Variants in EIF2AK4 observed in about 807,000 individuals in gnomAD.
The protein encoded by EIF2AK4 is eukaryotic translation initiation factor 2 alpha kinase 4.
A neutral mutation model predicts 211.1 loss-of-function variants in EIF2AK4; 139 were observed. The observed-to-expected ratio is 0.66, with a 90% CI of 0.57 to 0.76. The LOEUF is 0.76. Ranked by LOEUF, EIF2AK4 falls within the 30% of genes least tolerant of loss-of-function variation. The pLI, the probability that EIF2AK4 is intolerant of heterozygous loss-of-function variation, is 0.00. For missense variants in EIF2AK4, 1,664 were observed against 2,043.8 expected (o/e 0.81, Z 3.58); for synonymous variants, 710 against 751.3 (o/e 0.94, Z 0.90).
intron 32 of EIF2AK4, 115 bp from the exon 33 acceptor site, chr15:40,025,856 TTGACCC>T (rs2035459479): frequency 3.3e-6 from 3 of 917,236 alleles, no homozygotes; most frequent in Non-Finnish European, 4.9e-6. Context: ...GGGAGCAAAA[TTGACCC>T]TGGTTAAGAA....
At position 40,022,589 on chromosome 15, in the gene EIF2AK4, A is replaced by G; in HGVS notation, c.4373A>G (p.Glu1458Gly). ...ITYVALVSDK[E>G]GSHVKVKSFE... ...TATGTGGCCCTTGTCTCGGATAAAGAAGGAAGCCATGTCAAGGTAAAGACG... is the reference window on the plus strand; with the variant it reads ...TATGTGGCCCTTGTCTCGGATAAAGGAGGAAGCCATGTCAAGGTAAAGACG... The change falls in exon 32 of 39, where the codon GAA becomes GGA. Residue 1458 changes from glutamate (E) to glycine (G), a missense_variant. Around this residue, in one of 7 missense-constraint regions of EIF2AK4, gnomAD observed 622 missense variants for 796.8 expected, o/e 0.78. Transcript: ENST00000263791. 6.2e-7 allele frequency: 1 copy of G among 1,614,190 alleles called. No individual in the cohort carries two copies. The highest frequency in any genetic ancestry group is 8.5e-7 in the Non-Finnish European group (1 of 1,180,010).
intron 15 of EIF2AK4, among the ~76,000 whole-genome samples, chr15:39,988,904 G>C (rs2034903965): frequency 6.6e-6 from 1 of 152,210 alleles, no homozygotes; most frequent in Non-Finnish European, 1.5e-5. Context: ...GGGAGGCTGA[G>C]GCAGGAGAAT....
At chr15:40,029,084 G>A (rs1025570283) in intron 33 of EIF2AK4, among the ~76,000 whole-genome samples, 6 of 152,102 alleles carry the variant, frequency 3.9e-5, no homozygotes, top group Non-Finnish European at 8.8e-5. Context: ...TGTATTATGA[G>A]GGGGGCGGAA....
chr15:39,945,509 G>T (rs2034215225), intron 3 of EIF2AK4, among the ~76,000 whole-genome samples: 1 of 152,196 alleles, frequency 6.6e-6, no homozygotes, highest in African/African-American at 2.4e-5. Flanking sequence ...GGTTCATGAG[G>T]TTTAAGGAAA....
In EIF2AK4 at chr15:39,976,701, A is replaced by C; in HGVS notation, c.2106A>C (p.Pro702=). 1 of 1,601,636 alleles carries C rather than the reference A, an allele frequency of 6.2e-7. No individual in the cohort carries two copies. The highest frequency in any genetic ancestry group is 8.5e-7 in the Non-Finnish European group (1 of 1,177,340). The change falls in exon 12 of 39, where the codon CCA becomes CCC. Residue 702 remains proline, a synonymous_variant. Transcript: ENST00000263791. The part of the protein sequence containing the change: ...GLDSVEAAAP[P]PILSSSVEWS... ...ACAGCGTAGAGGCCGCCGCGCCGCC[A>C]CCCATCCTCAGCAGCTCGGTGGAGT...
At position 39,976,836 on chromosome 15, in the gene EIF2AK4, G is replaced by T; in HGVS notation, c.2241G>T (p.Gln747His). The change falls in exon 12 of 39, where the codon CAG becomes CAT. Residue 747 changes from glutamine (Q) to histidine (H), a missense_variant. Around this residue, in one of 7 missense-constraint regions of EIF2AK4, gnomAD observed 206 missense variants for 201.9 expected, o/e 1.02. Transcript: ENST00000263791. ...ACGAGCACGGTGGCGTCTTCTCCCA[G>T]TCCTTCCTGTAAGCGCACGGCGCGG... Reference protein sequence around the residue: ...DEDEHGGVFSQSFLPASDSES... With the variant: ...DEDEHGGVFSHSFLPASDSES... 1 of 1,520,278 alleles carries T rather than the reference G, an allele frequency of 6.6e-7. No homozygotes were observed. Among genetic ancestry groups the T allele is most frequent in the Non-Finnish European group, 8.8e-7 (1 of 1,135,800 alleles). 94.2% of individuals were successfully genotyped at this position (1,520,278 alleles called of 1,614,324 possible).
chr15:40,020,721 C>CTT (rs57323541), intron 30 of EIF2AK4, 178 bp from the exon 31 acceptor site: 56 of 294,722 alleles, frequency 1.9e-4, no homozygotes, highest in Non-Finnish European at 2.4e-4. Context: ...TTGAGTGTGT[C>CTT]TTTTTTTTTT....
chr15:40,031,547 ATCTC>A (rs902927979), intron 35 of EIF2AK4, among the ~76,000 whole-genome samples: 13 of 151,840 alleles, frequency 8.6e-5, no homozygotes, highest in Admixed American at 2.0e-4. Flanking sequence ...TCATACTATC[ATCTC>A]TCTGTCTCTG....
chr15:39,935,291 G>T (rs1206591297), intron 1 of EIF2AK4, among the ~76,000 whole-genome samples: 1 of 151,620 alleles, frequency 6.6e-6, no homozygotes, highest in Non-Finnish European at 1.5e-5. Flanking sequence ...AACTATTTCT[G>T]AATATTATCA....
chr15:40,022,330 A>T (rs2035402498), intron 31 of EIF2AK4, 189 bp from the exon 32 acceptor site: 1 of 543,672 alleles, frequency 1.8e-6, no homozygotes, highest in African/African-American at 1.9e-5. Flanking sequence ...GAAGGGAGGC[A>T]AGAGAGGCCT....
chr15:39,992,043 A>C (rs1303509192), intron 16 of EIF2AK4, 132 bp from the exon 17 acceptor site: 42 of 858,112 alleles, frequency 4.9e-5, no homozygotes, highest in Non-Finnish European at 7.1e-5. Context: ...AAAAAAATTA[A>C]AACTCAAAGC....
chr15:39,985,362 C>G (rs1015897332), intron 13 of EIF2AK4, among the ~76,000 whole-genome samples: 1 of 152,094 alleles, frequency 6.6e-6, no homozygotes, highest in African/African-American at 2.4e-5. Flanking sequence ...TGATGCTGGA[C>G]TCATAAAAAA....
intron 3 of EIF2AK4, chr15:39,946,750 C>T (rs1164775812): frequency 3.0e-6 from 2 of 677,174 alleles, no homozygotes; most frequent in Non-Finnish European, 5.4e-6. Context: ...TTGCCGCAAC[C>T]ACCCCAGCCT....
chr15:39,972,847 G>GC, intron 9 of EIF2AK4, 61 bp from the exon 10 acceptor site: 1 of 1,326,980 alleles, frequency 7.5e-7, no homozygotes, highest in Admixed American at 1.8e-5. Context: ...TAATGCCTTG[G>GC]ATTAACTAGT....
intron 4 of EIF2AK4, chr15:39,951,405 A>G: frequency 3.4e-6 from 1 of 290,784 alleles, no homozygotes; most frequent in South Asian, 2.9e-5. Flanking sequence ...TGCTAGCTGG[A>G]TATCTTTCAG....
At chr15:39,989,986 A>G (rs896729689) in intron 15 of EIF2AK4, among the ~76,000 whole-genome samples, 1 of 152,214 alleles carries the variant, frequency 6.6e-6, no homozygotes, top group African/African-American at 2.4e-5. Flanking sequence ...TTTGTAATGC[A>G]GCAGAGGTAA....
At chr15:39,983,950 G>A (rs2034829811) in intron 13 of EIF2AK4, among the ~76,000 whole-genome samples, 1 of 152,166 alleles carries the variant, frequency 6.6e-6, no homozygotes, top group African/African-American at 2.4e-5. Context: ...GAATGGTATT[G>A]CCTAGGTTTT....
chr15:39,995,757 G>T (rs969000216), intron 18 of EIF2AK4, among the ~76,000 whole-genome samples: 1 of 151,296 alleles, frequency 6.6e-6, no homozygotes, highest in Non-Finnish European at 1.5e-5. Flanking sequence ...CTATATTTAG[G>T]GTGTACAATG....
At chr15:40,001,803 G>A (rs1190246628) in intron 21 of EIF2AK4, among the ~76,000 whole-genome samples, 2 of 152,020 alleles carry the variant, frequency 1.3e-5, no homozygotes, top group Admixed American at 6.6e-5. Context: ...AGATGCCCAG[G>A]TCCCGTAGCC....
Sources: allele counts gnomAD v4.1 joint callset (sites outside exome capture counted in the v4.1 genomes callset), GRCh38; gene constraint gnomAD v4.1.1; regional missense constraint gnomAD v4.1.1; transcripts MANE v1.5; gene names NCBI Gene and HGNC (gene_info 2026-07-23, HGNC 2026-07-21).